The following GRAMD1B variants were observed in gnomAD, a reference collection of about 807,000 sequenced individuals.
GRAMD1B encodes the protein GRAM domain containing 1B, also known as protein Aster-B.
In GRAMD1B, 37 loss-of-function variants were observed where a neutral mutation model predicts 99.7. The ratio of observed to expected loss-of-function variants is 0.37; its 90% CI spans 0.29 to 0.49. The LOEUF (loss-of-function observed/expected upper bound fraction) is 0.49, where lower values mean the gene tolerates loss of function less well. GRAMD1B is among the 20% of genes least tolerant of loss of function. The pLI is 0.98. For missense variants in GRAMD1B, 888 were observed against 1,009.2 expected (o/e 0.88, Z 1.63); for synonymous variants, 427 against 387.6 (o/e 1.10, Z -1.19).
chr11:123,360,556 G>A (rs1029541009), intron 1 of GRAMD1B, among the ~76,000 whole-genome samples: 1 of 152,148 alleles, frequency 6.6e-6, no homozygotes, highest in Non-Finnish European at 1.5e-5. Context: ...AAGCTGTTTG[G>A]TTTTGGAGAT....
intron 3 of GRAMD1B, chr11:123,578,376 T>C: frequency 6.6e-7 from 1 of 1,512,150 alleles, no homozygotes; most frequent in Non-Finnish European, 8.9e-7. Flanking sequence ...TCCCCACCAT[T>C]TCCCAAATAC....
chr11:123,411,226 G>A lies in GRAMD1B; in HGVS notation c.-176+52427G>A, dbSNP rs986831147. ...TCACCGTGTTAGCCAGGATGGTCTC[G>A]ATCTCCTGATCTCGTGATCCGCCCC... is the stretch of plus-strand genomic sequence containing the variant. On this transcript the variant is annotated intron_variant, in intron 1 of 20. Transcript: ENST00000638157. 5.3e-5 allele frequency among the ~76,000 whole-genome samples: 8 copies of A among 151,812 alleles called. No homozygotes were observed. The East Asian group carries it at 7.8e-4, about 15-fold the overall frequency.
chr11:123,612,998 A>C, intron 15 of GRAMD1B, 134 bp downstream of exon 15: 1 of 624,962 alleles, frequency 1.6e-6, no homozygotes, highest in Non-Finnish European at 2.8e-6. Flanking sequence ...TGAGGTACCC[A>C]CACCTGCTTC....
At chr11:123,579,645 G>A (rs1031034907) in intron 3 of GRAMD1B, among the ~76,000 whole-genome samples, 3 of 152,186 alleles carry the variant, frequency 2.0e-5, no homozygotes, top group Non-Finnish European at 4.4e-5. Context: ...GTGGGTGCTC[G>A]AGGCTCAGCT....
intron 2 of GRAMD1B, among the ~76,000 whole-genome samples, chr11:123,498,586 C>T (rs1419200334): frequency 6.6e-6 from 1 of 152,162 alleles, no homozygotes. Flanking sequence ...CTTATAGGGG[C>T]AATGAATGGT....
intron 1 of GRAMD1B, among the ~76,000 whole-genome samples, chr11:123,474,854 A>G (rs1031961846): frequency 6.6e-6 from 1 of 152,232 alleles, no homozygotes; most frequent in Non-Finnish European, 1.5e-5. Flanking sequence ...GATGCAGTAC[A>G]TTAGTCTCTG....
At chr11:123,527,962 G>GTA (rs1942964542) in intron 2 of GRAMD1B, among the ~76,000 whole-genome samples, 1 of 152,208 alleles carries the variant, frequency 6.6e-6, no homozygotes. Flanking sequence ...TCTGGGAACT[G>GTA]TAATTGGGAT....
chr11:123,596,047 G>A lies in GRAMD1B; in HGVS notation c.969+10G>A. 6.8e-7 allele frequency: 1 copy of A among 1,474,578 alleles called. No individual in the cohort carries two copies. The highest frequency in any genetic ancestry group is 9.4e-7 in the Non-Finnish European group (1 of 1,061,210). 91.3% of individuals were successfully genotyped at this position (1,474,578 alleles called of 1,614,324 possible). The stretch of plus-strand genomic sequence containing the variant: ...CACTGATTCAGAAAAGGTAAGTGGA[G>A]TCTAACTCTGGCCTTTCTAATCCTC... On this transcript the variant is annotated intron_variant, in intron 7 of 19. Transcript: ENST00000635736.
chr11:123,426,898 T>A (rs1320295604), upstream of GRAMD1B, among the ~76,000 whole-genome samples: 1 of 152,178 alleles, frequency 6.6e-6, no homozygotes, highest in Non-Finnish European at 1.5e-5. Context: ...AGACAGGTGT[T>A]GGGTGTCTTG....
upstream of GRAMD1B, among the ~76,000 whole-genome samples, chr11:123,430,186 G>C (rs553369912): frequency 2.4e-4 from 37 of 152,092 alleles, no homozygotes; most frequent in East Asian, 7.0e-3. Flanking sequence ...AGCCCATTCA[G>C]GATAGCCCCC....
intron 1 of GRAMD1B, among the ~76,000 whole-genome samples, chr11:123,413,085 ACT>A (rs778511408): frequency 1.3e-5 from 2 of 151,798 alleles, no homozygotes; most frequent in Non-Finnish European, 2.9e-5. Context: ...CCCAGCCTGC[ACT>A]CTCTTTTTTA....
intron 4 of GRAMD1B, among the ~76,000 whole-genome samples, chr11:123,590,647 T>A (rs1950554932): frequency 6.6e-6 from 1 of 152,170 alleles, no homozygotes; most frequent in Non-Finnish European, 1.5e-5. Flanking sequence ...AGCTGTTTGC[T>A]GGTCAGGCGA....
chr11:123,412,713 A>G (rs2135977757), intron 1 of GRAMD1B, among the ~76,000 whole-genome samples: 1 of 152,246 alleles, frequency 6.6e-6, no homozygotes, highest in South Asian at 2.1e-4. Flanking sequence ...ATTTTGTCTG[A>G]TTTCATATTT....
intron 2 of GRAMD1B, among the ~76,000 whole-genome samples, chr11:123,503,268 T>G (rs1940074682): frequency 1.3e-5 from 2 of 152,142 alleles, no homozygotes; most frequent in South Asian, 4.1e-4. Context: ...AACTTTGTCA[T>G]CTGAAAGCAC....
intron 2 of GRAMD1B, among the ~76,000 whole-genome samples, chr11:123,574,841 A>C (rs1321306501): frequency 6.6e-6 from 1 of 152,122 alleles, no homozygotes; most frequent in Non-Finnish European, 1.5e-5. Flanking sequence ...ACGGCCAGGG[A>C]GGTGACAGAC....
At chr11:123,449,837 C>T (rs1949807862) in intron 1 of GRAMD1B, among the ~76,000 whole-genome samples, 1 of 151,770 alleles carries the variant, frequency 6.6e-6, no homozygotes, top group South Asian at 2.1e-4. Context: ...CCTCCTGCCT[C>T]AGCCTCCTGA....
chr11:123,592,690 G>GT (rs1444465989), intron 4 of GRAMD1B, among the ~76,000 whole-genome samples: 1 of 152,122 alleles, frequency 6.6e-6, no homozygotes, highest in Non-Finnish European at 1.5e-5. Flanking sequence ...TGTTTTCTAA[G>GT]TTTTTTGTTG....
At chr11:123,377,462 C>T (rs888247038) in intron 1 of GRAMD1B, among the ~76,000 whole-genome samples, 1 of 152,020 alleles carries the variant, frequency 6.6e-6, no homozygotes, top group African/African-American at 2.4e-5. Flanking sequence ...GTTGAGCAGT[C>T]GCCAGAGTAT....
At chr11:123,464,899 G>A (rs1950594247) in intron 1 of GRAMD1B, among the ~76,000 whole-genome samples, 1 of 152,156 alleles carries the variant, frequency 6.6e-6, no homozygotes, top group South Asian at 2.1e-4. Flanking sequence ...TGATGCAGGT[G>A]ACTGAGCTAA....
Sources: gnomAD v4.1 joint callset for allele counts (sites outside exome capture counted in the v4.1 genomes callset) on GRCh38, gnomAD v4.1.1 for gene constraint, MANE v1.5 for transcripts, NCBI Gene and HGNC (gene_info 2026-07-23, HGNC 2026-07-21) for gene names.